The following RBL1 variants were observed in gnomAD, a reference collection of about 807,000 sequenced individuals.
RBL1 encodes RB transcriptional corepressor like 1.
Under a neutral mutation model 123.0 loss-of-function variants are expected in RBL1, and 82 were observed. The ratio of observed to expected loss-of-function variants is 0.67; its 90% CI spans 0.56 to 0.80. The LOEUF is 0.80. Among genes scored for constraint, RBL1 ranks in the 30% least tolerant of loss-of-function variants. The pLI, the probability that RBL1 is intolerant of heterozygous loss-of-function variation, is 0.00. For synonymous variants in RBL1, 405 were observed against 441.3 expected (o/e 0.92, Z 1.03); for missense variants, 1,171 against 1,299.6 (o/e 0.90, Z 1.52).
rs1371112214 is a variant in RBL1 at position 37,035,246 on chromosome 20, T to C, written c.2166A>G (p.Leu722=). The C allele has an allele frequency of 6.2e-7, 1 of 1,611,866 alleles. No homozygotes were observed. Among genetic ancestry groups the C allele is most frequent in the Non-Finnish European group, 8.5e-7 (1 of 1,178,602 alleles). The part of the protein sequence containing the change: ...GTTGHKVTIP[L]HGVANDAGEI... The stretch of plus-strand genomic sequence containing the variant: ...ACAAATGCACTATAACGTTACCATG[T>C]AATGGAATTGTAACTTTATGTCCTG... The change falls in exon 15 of 22, where the codon TTA becomes TTG. Residue 722 remains leucine, a synonymous_variant. Coordinates refer to ENST00000373664, the MANE Select transcript of RBL1 (RefSeq NM_002895.5).
chr20:37,008,565 G>T (rs191754201), intron 19 of RBL1, among the ~76,000 whole-genome samples: 1 of 152,146 alleles, frequency 6.6e-6, no homozygotes, highest in Non-Finnish European at 1.5e-5. Flanking sequence ...AGTATTACAG[G>T]GTATTACAAA....
chr20:37,077,275 T>C (rs1568885908), intron 2 of RBL1, among the ~76,000 whole-genome samples: 1 of 152,174 alleles, frequency 6.6e-6, no homozygotes, highest in Non-Finnish European at 1.5e-5. Flanking sequence ...CATATGCATA[T>C]ATGGTAGTAA....
At chr20:37,015,695 G>T (rs1244232944) in intron 19 of RBL1, among the ~76,000 whole-genome samples, 1 of 147,688 alleles carries the variant, frequency 6.8e-6, no homozygotes, top group South Asian at 2.2e-4. Context: ...CTCCCAAAGT[G>T]CTGGGATTAC....
At chr20:37,000,833 G>C (rs1252947913) in intron 21 of RBL1, among the ~76,000 whole-genome samples, 1 of 138,462 alleles carries the variant, frequency 7.2e-6, no homozygotes, top group Non-Finnish European at 1.6e-5. Flanking sequence ...CCTCTGCCTG[G>C]CCGCCCCTAC....
intron 21 of RBL1, among the ~76,000 whole-genome samples, chr20:37,003,295 G>A (rs577791706): frequency 6.6e-6 from 1 of 152,264 alleles, no homozygotes; most frequent in African/African-American, 2.4e-5. Context: ...TGATCACAGA[G>A]TTGTCTATGT....
chr20:37,035,137 C>A, intron 15 of RBL1, 105 bp downstream of exon 15: 4 of 1,155,166 alleles, frequency 3.5e-6, no homozygotes, highest in Admixed American at 2.7e-5. Context: ...AGTATAGGTT[C>A]AAGAAAAAAT....
At chr20:37,093,820 T>C (rs2065686378) in intron 1 of RBL1, among the ~76,000 whole-genome samples, 1 of 152,016 alleles carries the variant, frequency 6.6e-6, no homozygotes, top group African/African-American at 2.4e-5. Context: ...TTTATATTTT[T>C]AGTAGAGACG....
In RBL1 at chr20:37,012,788, G is replaced by T. The variant is rs574056238; in HGVS notation, c.2723-5229C>A. ...CAGCCACCCAGTCCGGGAGGGAGGT[G>T]GGGGGGTCAGCCCCCTGCCCGGCCA... On this transcript the variant is annotated intron_variant, in intron 19 of 21. Transcript: ENST00000373664. 1.9e-4 allele frequency among the ~76,000 whole-genome samples: 28 copies of T among 150,616 alleles called. No homozygotes were observed. The East Asian group carries it at 4.2e-3, about 23-fold the overall frequency.
Position 37,067,012 on chromosome 20 carries a change from C to T in RBL1, c.666G>A (p.Leu222=). The T allele has an allele frequency of 6.2e-7, 1 of 1,608,432 alleles. No individual in the cohort carries two copies. The highest frequency in any genetic ancestry group is 8.5e-7 in the Non-Finnish European group (1 of 1,176,318). Reference sequence around the variant, plus strand: ...TCTTACCTTTAAATGATGGATTTAGCAAGTCTTGTCTATTTGGGCACATAA... The same window carrying T: ...TCTTACCTTTAAATGATGGATTTAGTAAGTCTTGTCTATTTGGGCACATAA... The part of the protein sequence containing the change: ...NAIMCPNRQD[L]LNPSFKGLPS... The change falls in exon 5 of 22, where the codon TTG becomes TTA. Residue 222 remains leucine, a synonymous_variant. Coordinates refer to ENST00000373664, the MANE Select transcript of RBL1 (RefSeq NM_002895.5).
intron 9 of RBL1, among the ~76,000 whole-genome samples, chr20:37,058,104 G>A (rs1265455070): frequency 3.2e-5 from 4 of 125,894 alleles, no homozygotes; most frequent in African/African-American, 5.5e-5. Context: ...CAACAAGGGC[G>A]AAACTCTGTC....
intron 11 of RBL1, among the ~76,000 whole-genome samples, chr20:37,053,944 T>C (rs1024898051): frequency 1.3e-5 from 2 of 152,096 alleles, no homozygotes; most frequent in African/African-American, 2.4e-5. Context: ...TAACTAACTA[T>C]AAAGGGGTAG....
intron 1 of RBL1, among the ~76,000 whole-genome samples, chr20:37,093,450 G>A (rs1037856265): frequency 5.9e-5 from 9 of 151,886 alleles, no homozygotes; most frequent in African/African-American, 1.9e-4. Flanking sequence ...ACCAGCTTGG[G>A]CAACATAGTC....
At chr20:37,063,349 C>A (rs573132433) in intron 7 of RBL1, among the ~76,000 whole-genome samples, 28 of 152,028 alleles carry the variant, frequency 1.8e-4, no homozygotes, top group African/African-American at 6.5e-4. Flanking sequence ...GGCTGAGTAG[C>A]TCTTTTAAAT....
chr20:37,002,336 G>GTTTTTTTTGT (rs2063998951), intron 21 of RBL1, among the ~76,000 whole-genome samples: 2 of 76,324 alleles, frequency 2.6e-5, no homozygotes, highest in East Asian at 1.4e-3. Context: ...AGCCTTATCT[G>GTTTTTTTTGT]TTTTTTTTTT....
intron 7 of RBL1, 105 bp from the exon 8 acceptor site, chr20:37,062,375 C>A: frequency 6.9e-7 from 1 of 1,454,570 alleles, no homozygotes; most frequent in South Asian, 1.5e-5. Flanking sequence ...TGACAACTTT[C>A]TAATTTTTAT....
chr20:37,061,197 G>T lies in RBL1; in HGVS notation c.1156C>A (p.Pro386Thr). ...ACACTTTGGGTGGCTGATGCAACAG[G>T]AGTAATGACTGCTTCTTTTTCTCGT... The part of the protein sequence containing the change: ...YLREKEAVIT[P>T]VASATQSVSR... The change falls in exon 9 of 22, where the codon CCT becomes ACT. Residue 386 changes from proline to threonine, a missense_variant. Coordinates refer to ENST00000373664, the MANE Select transcript of RBL1 (RefSeq NM_002895.5). The T allele has an allele frequency of 6.2e-7, 1 of 1,614,122 alleles. No individual in the cohort carries two copies. Among genetic ancestry groups the T allele is most frequent in the Non-Finnish European group, 8.5e-7 (1 of 1,180,018 alleles).
At chr20:37,065,316 G>T in intron 7 of RBL1, 108 bp downstream of exon 7, 1 of 736,574 alleles carries the variant, frequency 1.4e-6, no homozygotes, top group South Asian at 2.3e-5. Context: ...GAGAGAACTT[G>T]AATTTGGAGG....
chr20:37,056,124 A>G, intron 10 of RBL1, 22 bp downstream of exon 10: 1 of 1,596,718 alleles, frequency 6.3e-7, no homozygotes, highest in Non-Finnish European at 8.5e-7. Context: ...ATGCTATGCC[A>G]ACTGTAGTTT....
chr20:37,049,048 C>A (rs933778486), intron 11 of RBL1, among the ~76,000 whole-genome samples: 30 of 151,654 alleles, frequency 2.0e-4, no homozygotes, highest in Admixed American at 7.2e-4. Context: ...CCAAAAAACA[C>A]AAAAATTAGC....
Sources: gnomAD v4.1 joint callset for allele counts (sites outside exome capture counted in the v4.1 genomes callset) on GRCh38, gnomAD v4.1.1 for gene constraint, MANE v1.5 for transcripts, NCBI Gene and HGNC (gene_info 2026-07-23, HGNC 2026-07-21) for gene names.